Variants in CEBPZ observed in about 807,000 individuals in gnomAD.
CEBPZ encodes the protein CCAAT/enhancer-binding protein zeta.
In CEBPZ, 78 loss-of-function variants were observed where a neutral mutation model predicts 104.5. The ratio of observed to expected loss-of-function variants is 0.75; its 90% CI spans 0.62 to 0.90. The LOEUF (loss-of-function observed/expected upper bound fraction) is 0.90. Ranked by LOEUF, CEBPZ falls within the 40% of genes least tolerant of loss-of-function variation. CEBPZ has a pLI of 0.00. For synonymous variants in CEBPZ, 470 were observed against 427.0 expected (o/e 1.10, Z -1.24); for missense variants, 1,439 against 1,233.5 (o/e 1.17, Z -2.50).
intron 8 of CEBPZ, 52 bp downstream of exon 8, chr2:37,216,088 T>C (rs1200399475): frequency 1.5e-6 from 2 of 1,299,740 alleles, no homozygotes; most frequent in Admixed American, 2.0e-5. Context: ...AATTTATGCA[T>C]CTTTGTCTTA....
Position 37,228,900 on chromosome 2 carries a change from T to C in CEBPZ, c.293A>G (p.Lys98Arg), listed in dbSNP as rs1483888372. The C allele has an allele frequency of 6.2e-7, 1 of 1,611,060 alleles. No homozygotes were observed. The highest frequency in any genetic ancestry group is 1.7e-5 in the Admixed American group (1 of 59,620). Reference protein sequence around the residue: ...IQNLNLAKYTKASLVEEDEPA... With the variant: ...IQNLNLAKYTRASLVEEDEPA... ...TTCATCTTCTTCAACTAAGGAAGCT[T>C]TTGTATACTTCGCCAAATTAAGATT... The change falls in exon 2 of 16, where the codon AAA becomes AGA. Residue 98 changes from lysine (K) to arginine (R), a missense_variant. Lys to Arg is a conservative substitution (Grantham distance 26). Coordinates refer to ENST00000234170, the MANE Select transcript of CEBPZ (RefSeq NM_005760.3).
chr2:37,212,538 G>T (rs745465775), intron 10 of CEBPZ, 146 bp from the exon 11 acceptor site: 1 of 689,712 alleles, frequency 1.4e-6, no homozygotes, highest in Non-Finnish European at 2.5e-6. Flanking sequence ...TGTTGCTAGT[G>T]TGCCTTAATA....
At chr2:37,211,724 G>T in intron 12 of CEBPZ, 119 bp downstream of exon 12, 1 of 691,128 alleles carries the variant, frequency 1.4e-6, no homozygotes. Context: ...TAAGTTTCTG[G>T]CTGACATGAG....
At chr2:37,216,916 C>A in intron 6 of CEBPZ, 68 bp downstream of exon 6, 2 of 1,265,910 alleles carry the variant, frequency 1.6e-6, no homozygotes, top group South Asian at 2.5e-5. Flanking sequence ...ACTGTATGAC[C>A]AATTATTGAT....
chr2:37,204,467 G>A, intron 13 of CEBPZ: 2 of 145,838 alleles, frequency 1.4e-5, no homozygotes, highest in Non-Finnish European at 3.1e-5. Flanking sequence ...TAGTAGAGAT[G>A]GGGTTTCATC....
At chr2:37,229,468 C>T (rs950389595) in intron 1 of CEBPZ, among the ~76,000 whole-genome samples, 6 of 151,984 alleles carry the variant, frequency 3.9e-5, no homozygotes, top group African/African-American at 1.4e-4. Flanking sequence ...TAGACAAATC[C>T]ACATTAAAAC....
intron 4 of CEBPZ, among the ~76,000 whole-genome samples, chr2:37,221,091 G>A (rs1422169713): frequency 1.3e-5 from 2 of 152,152 alleles, no homozygotes; most frequent in Non-Finnish European, 2.9e-5. Context: ...AGGCCAAGGT[G>A]GAAAGGCTGC....
chr2:37,225,096 C>A (rs187829092), intron 2 of CEBPZ, among the ~76,000 whole-genome samples: 5 of 152,040 alleles, frequency 3.3e-5, no homozygotes, highest in African/African-American at 1.2e-4. Flanking sequence ...CTCAAGATCC[C>A]GAAACCTCTA....
In CEBPZ at chr2:37,222,413, C is replaced by T. The variant is rs900553544; in HGVS notation, c.2032G>A (p.Val678Ile). 19 of 1,598,112 alleles carry T rather than the reference C, an allele frequency of 1.2e-5. No homozygotes were observed. In the African/African-American group the frequency reaches 2.6e-4, roughly 22 times the overall value. ...ETDVETKKPE[V>I]ASWVHFDNLK... is the part of the protein sequence containing the mutation. ...TTATCAAAGTGCACCCAGGAAGCAA[C>T]CTCTGGTTTTTTGGTTTCTACATCA... The change falls in exon 4 of 16, where the codon GTT becomes ATT. Residue 678 changes from valine (V) to isoleucine (I), a missense_variant. By Grantham distance (29) the Val-to-Ile change is conservative. Coordinates refer to ENST00000234170, the MANE Select transcript of CEBPZ (RefSeq NM_005760.3).
In CEBPZ at chr2:37,228,430, TAAG is replaced by T. The variant is rs757843958; in HGVS notation, c.760_762del (p.Leu254del). 6 of 1,614,242 alleles carry T rather than the reference TAAG, an allele frequency of 3.7e-6. No individual in the cohort carries two copies. Among genetic ancestry groups the T allele is most frequent in the Non-Finnish European group, 3.4e-6 (4 of 1,180,028 alleles). ...AGTGTGTGAACGGCATCATCCTGAA[TAAG>T]AAGAATCATGGCTGCCATCCTGTCA... On this transcript the variant is annotated inframe_deletion, in exon 2 of 16. Coordinates refer to ENST00000234170, the MANE Select transcript of CEBPZ (RefSeq NM_005760.3).
chr2:37,211,658 C>T (rs1677723570), intron 12 of CEBPZ, 185 bp downstream of exon 12: 2 of 516,962 alleles, frequency 3.9e-6, no homozygotes, highest in Non-Finnish European at 6.7e-6. Context: ...AAAGAAAACA[C>T]ACATAACACA....
At chr2:37,203,048 CTAATG>C in intron 13 of CEBPZ, 40 bp from the exon 14 acceptor site, 1 of 1,337,046 alleles carries the variant, frequency 7.5e-7, no homozygotes, top group Non-Finnish European at 1.0e-6. Context: ...AATTATAAAT[CTAATG>C]ATTTTAGAAA....
At chr2:37,218,764 C>T (rs757907735) in intron 5 of CEBPZ, among the ~76,000 whole-genome samples, 1 of 152,102 alleles carries the variant, frequency 6.6e-6, no homozygotes, top group South Asian at 2.1e-4. Flanking sequence ...ATTAGCTGGG[C>T]ATGGTGGCAT....
chr2:37,230,923 C>G (rs141136651), intron 1 of CEBPZ, among the ~76,000 whole-genome samples: 29 of 152,208 alleles, frequency 1.9e-4, no homozygotes, highest in Admixed American at 8.5e-4. Context: ...GTTTTATTTT[C>G]TTTTATAGCA....
intron 15 of CEBPZ, chr2:37,202,555 G>C (rs1012605605): frequency 2.6e-5 from 9 of 341,904 alleles, no homozygotes; most frequent in Non-Finnish European, 4.8e-5. Context: ...TAAGGTAGGA[G>C]AATTACTTGA....
chr2:37,211,441 A>G (rs1558470451), intron 12 of CEBPZ: 1 of 233,486 alleles, frequency 4.3e-6, no homozygotes, highest in Non-Finnish European at 8.2e-6. Flanking sequence ...AGGTCAGACA[A>G]CAGTCTAGAG....
At position 37,231,168 on chromosome 2, in the gene CEBPZ, A is replaced by G; in HGVS notation, c.156+244T>C. On this transcript the variant is annotated intron_variant, in intron 1 of 15. Coordinates refer to ENST00000234170, the MANE Select transcript of CEBPZ (RefSeq NM_005760.3). ...GGTGTGATGGTTATACCACGTCAAT[A>G]AAATCAGAAGATCGCCTACATCCTA... 8.8e-6 allele frequency: 6 copies of G among 678,926 alleles called. No individual in the cohort carries two copies. In the Admixed American group the frequency reaches 1.2e-4, roughly 14 times the overall value. The allele number at this position is 678,926 out of a possible 1,614,324, so 42.1% of individuals were successfully genotyped here. A position where few individuals can be genotyped will look rare whatever the true frequency, so the allele number is the denominator to read the frequency against.
At position 37,211,920 on chromosome 2, in the gene CEBPZ, T is replaced by C. The variant is rs1358802000; in HGVS notation, c.2723A>G (p.Asp908Gly). 1 of 1,613,520 alleles carries C rather than the reference T, an allele frequency of 6.2e-7. No homozygotes were observed. The highest frequency in any genetic ancestry group is 8.5e-7 in the Non-Finnish European group (1 of 1,179,802). ...DDEVSLGSMD[D>G]EEFAEVDEDG... ...TTCATCAACTTCAGCAAATTCTTCA[T>C]CATCCATACTTCCTAAAGAAACTTC... Residue 908 changes from aspartate (D) to glycine (G), a missense_variant, in exon 12 of 16, where the codon GAT becomes GGT. Physicochemically the swap from Asp to Gly is moderately conservative, Grantham distance 94. Coordinates refer to ENST00000234170, the MANE Select transcript of CEBPZ (RefSeq NM_005760.3).
rs780294911 is a variant in CEBPZ at position 37,211,932 on chromosome 2, C to G, written c.2711G>C (p.Gly904Ala). 24 of 1,613,692 alleles carry G rather than the reference C, an allele frequency of 1.5e-5. No individual in the cohort carries two copies. Among genetic ancestry groups the G allele is most frequent in the Non-Finnish European group, 2.0e-5 (24 of 1,179,842 alleles). Reference sequence around the variant, plus strand: ...AGCAAATTCTTCATCATCCATACTTCCTAAAGAAACTTCATCGTCATCCAG... The same window carrying G: ...AGCAAATTCTTCATCATCCATACTTGCTAAAGAAACTTCATCGTCATCCAG... Reference protein sequence around the residue: ...GNLDDDEVSLGSMDDEEFAEV... With the variant: ...GNLDDDEVSLASMDDEEFAEV... The change falls in exon 12 of 16, where the codon GGA (glycine) becomes GCA (alanine). Residue 904 changes from glycine to alanine, a missense_variant. Transcript: ENST00000234170.
Sources: gnomAD v4.1 joint callset for allele counts (sites outside exome capture counted in the v4.1 genomes callset) on GRCh38, gnomAD v4.1.1 for gene constraint, MANE v1.5 for transcripts, NCBI Gene and HGNC (gene_info 2026-07-23, HGNC 2026-07-21) for gene names.